The following RSU1 variants were observed in gnomAD, a reference collection of about 807,000 sequenced individuals.
The protein encoded by RSU1 is rsu-1.
RSU1 carries 26 observed loss-of-function variants against 31.1 expected under a neutral mutation model. The observed-to-expected ratio is 0.84, with a 90% CI of 0.61 to 1.16. The LOEUF is 1.16. Among genes scored for constraint, RSU1 ranks in the 50% most tolerant of loss-of-function variants. The pLI is 0.00. For synonymous variants in RSU1, 164 were observed against 136.3 expected (o/e 1.20, Z -1.41); for missense variants, 320 against 339.1 (o/e 0.94, Z 0.44).
At chr10:16,636,653 C>A (rs2131496745) in intron 8 of RSU1, among the ~76,000 whole-genome samples, 1 of 152,334 alleles carries the variant, frequency 6.6e-6, no homozygotes, top group Non-Finnish European at 1.5e-5. Flanking sequence ...AGGCCAAACT[C>A]CTTCAAATGG....
In RSU1 at chr10:16,595,387, G is replaced by A. The variant is rs112069853; in HGVS notation, c.732-1891C>T. On this transcript the variant is annotated intron_variant, in intron 8 of 8. Coordinates refer to ENST00000345264, the MANE Select transcript of RSU1 (RefSeq NM_012425.4). ...GTCTTCCAAGTGTTGCCTTGGAGGC[G>A]GTACAAGCAGGTTCCATCGGCGGTC... Among the ~76,000 whole-genome samples the A allele has an allele frequency of 9.9e-3, 1,511 of 152,276 alleles. 15 individuals carry two copies. The highest frequency in any genetic ancestry group is 0.033 in the African/African-American group (1,377 of 41,554).
intron 8 of RSU1, among the ~76,000 whole-genome samples, chr10:16,635,596 T>C (rs1443355514): frequency 6.6e-6 from 1 of 152,238 alleles, no homozygotes. Context: ...TGCAAAATGA[T>C]ACTGTCCCAG....
chr10:16,654,730 C>G (rs1377787516), intron 8 of RSU1, among the ~76,000 whole-genome samples: 1 of 151,578 alleles, frequency 6.6e-6, no homozygotes, highest in African/African-American at 2.4e-5. Flanking sequence ...GAATCACAAC[C>G]TTTAACACAG....
chr10:16,769,177 A>T (rs1837375276), intron 3 of RSU1, among the ~76,000 whole-genome samples: 1 of 152,244 alleles, frequency 6.6e-6, no homozygotes, highest in Non-Finnish European at 1.5e-5. Context: ...TCTGTTGAAT[A>T]GAGTAAGGAA....
chr10:16,613,404 T>C (rs550701967), intron 8 of RSU1, among the ~76,000 whole-genome samples: 3 of 152,198 alleles, frequency 2.0e-5, no homozygotes, highest in Non-Finnish European at 4.4e-5. Flanking sequence ...CTGTGTGGGT[T>C]CATGCCAAGA....
chr10:16,799,816 C>G (rs566788008), intron 2 of RSU1, among the ~76,000 whole-genome samples: 1 of 152,250 alleles, frequency 6.6e-6, no homozygotes, highest in East Asian at 1.9e-4. Flanking sequence ...TCACACCTTC[C>G]TGTCTCAATT....
chr10:16,779,027 C>A (rs1837598930), intron 3 of RSU1, among the ~76,000 whole-genome samples: 1 of 152,228 alleles, frequency 6.6e-6, no homozygotes, highest in Non-Finnish European at 1.5e-5. Context: ...AAAGTTAGTA[C>A]CTGCCCATTC....
In RSU1 at chr10:16,644,592, T is replaced by C. The variant is rs572814864; in HGVS notation, c.731+50431A>G. ...TCATACAGCTAAAAAGTAGTGACTC[T>C]AGAACAGAAACCAGGCTCTGGGTCT... On this transcript the variant is annotated intron_variant, in intron 8 of 8. Coordinates refer to ENST00000345264, the MANE Select transcript of RSU1 (RefSeq NM_012425.4). Among the ~76,000 whole-genome samples the C allele has an allele frequency of 4.6e-5, 7 of 152,304 alleles. No individual in the cohort carries two copies. The South Asian group carries it at 1.5e-3, about 32-fold the overall frequency.
intron 7 of RSU1, among the ~76,000 whole-genome samples, chr10:16,722,231 A>G (rs1836279650): frequency 6.6e-6 from 1 of 152,204 alleles, no homozygotes; most frequent in South Asian, 2.1e-4. Flanking sequence ...AGAAAAACAG[A>G]GTACTGTTTT....
intron 7 of RSU1, among the ~76,000 whole-genome samples, chr10:16,712,157 C>T (rs2131581348): frequency 6.6e-6 from 1 of 152,182 alleles, no homozygotes; most frequent in East Asian, 1.9e-4. Flanking sequence ...CTCCTGCTCA[C>T]TTTTGGTTTC....
At chr10:16,695,463 A>G (rs1396171762) in intron 7 of RSU1, among the ~76,000 whole-genome samples, 1 of 152,226 alleles carries the variant, frequency 6.6e-6, no homozygotes. Context: ...GAGAAGTGAT[A>G]ATATGAAAAC....
At chr10:16,631,020 A>C (rs1321467833) in intron 8 of RSU1, among the ~76,000 whole-genome samples, 3 of 152,234 alleles carry the variant, frequency 2.0e-5, no homozygotes, top group Admixed American at 1.3e-4. Flanking sequence ...CATTGTTTTC[A>C]GTTTAAAAAC....
intron 8 of RSU1, among the ~76,000 whole-genome samples, chr10:16,620,321 C>G (rs59414623): frequency 6.6e-6 from 1 of 151,956 alleles, no homozygotes; most frequent in Non-Finnish European, 1.5e-5. Flanking sequence ...TAATTTCTCA[C>G]GGAGTTTTCT....
intron 8 of RSU1, among the ~76,000 whole-genome samples, chr10:16,688,377 C>T (rs1163357390): frequency 2.0e-5 from 3 of 152,006 alleles, no homozygotes; most frequent in Non-Finnish European, 4.4e-5. Flanking sequence ...GAGGCCGAGG[C>T]GGACGGGTCA....
intron 8 of RSU1, among the ~76,000 whole-genome samples, chr10:16,666,484 G>A (rs2131532398): frequency 6.6e-6 from 1 of 152,336 alleles, no homozygotes; most frequent in African/African-American, 2.4e-5. Context: ...TGCTGGTTCA[G>A]AGAGTTATCT....
chr10:16,764,988 G>A (rs568029972), intron 3 of RSU1, among the ~76,000 whole-genome samples: 7 of 150,912 alleles, frequency 4.6e-5, no homozygotes, highest in East Asian at 1.9e-4. Context: ...TGGCTAATGG[G>A]GGGGGAGAAA....
At chr10:16,595,570 A>G (rs1166033000) in intron 8 of RSU1, among the ~76,000 whole-genome samples, 1 of 152,194 alleles carries the variant, frequency 6.6e-6, no homozygotes, top group Non-Finnish European at 1.5e-5. Context: ...GACAGAGAAC[A>G]TAAGAGCCTG....
At chr10:16,641,934 T>TGACA (rs1834450102) in intron 8 of RSU1, among the ~76,000 whole-genome samples, 1 of 152,238 alleles carries the variant, frequency 6.6e-6, no homozygotes, top group African/African-American at 2.4e-5. Context: ...CAGGACCCTC[T>TGACA]GACAAGCTGG....
intron 8 of RSU1, among the ~76,000 whole-genome samples, chr10:16,692,983 G>A (rs1435716286): frequency 6.6e-6 from 1 of 151,870 alleles, no homozygotes; most frequent in Non-Finnish European, 1.5e-5. Flanking sequence ...TTTTTTTTGG[G>A]ATGGAATATT....
Sources: allele counts gnomAD v4.1 joint callset (sites outside exome capture counted in the v4.1 genomes callset), GRCh38; gene constraint gnomAD v4.1.1; transcripts MANE v1.5; gene names NCBI Gene and HGNC (gene_info 2026-07-23, HGNC 2026-07-21).